Variants in A2ML1 observed in about 807,000 individuals in gnomAD.
The protein encoded by A2ML1 is alpha-2-macroglobulin like 1.
A neutral mutation model predicts 181.9 loss-of-function variants in A2ML1; 161 were observed. That is an observed-to-expected ratio of 0.89 (90% confidence interval 0.78 to 1.01). The LOEUF (loss-of-function observed/expected upper bound fraction) is 1.01, where lower values mean the gene tolerates loss of function less well. Among genes scored for constraint, A2ML1 ranks in the 50% least tolerant of loss-of-function variants. The pLI is 0.00. For synonymous variants in A2ML1, 663 were observed against 666.8 expected, an observed-to-expected ratio of 0.99 and a Z score of 0.09; for missense variants, 1,670 against 1,768.1, an observed-to-expected ratio of 0.94 and a Z score of 1.00.
At position 8,823,863 on chromosome 12, in the gene A2ML1, C is replaced by G. The variant is rs771519967; in HGVS notation, c.390C>G (p.Leu130=). 5 of 1,613,308 alleles carry G rather than the reference C, an allele frequency of 3.1e-6. No homozygotes were observed. Among genetic ancestry groups the G allele is most frequent in the Non-Finnish European group, 4.2e-6 (5 of 1,179,662 alleles). Residue 130 remains leucine (L), a synonymous_variant, in exon 3 of 36, where the codon CTC becomes CTG. Transcript: ENST00000299698. ...CCTTTGTACAGACTGACAAACCTCT[C>G]TACACCCCAGGGCAGCAAGGTAAGA... The part of the protein sequence containing the change: ...NGTFVQTDKP[L]YTPGQQVYFR...
Position 8,847,613 on chromosome 12 carries a change from C to A in A2ML1, c.1748C>A (p.Ala583Glu). Residue 583 changes from alanine (A) to glutamate (E), a missense_variant, in exon 15 of 36, where the codon GCA becomes GAA. Transcript: ENST00000299698. ...GCAGAAGTGGAGCTGCAGCTGCAGG[C>A]AGCTCCCGGATCCCTGTGTGCGCTC... ...PGAEVELQLQ[A>E]APGSLCALRA... The A allele has an allele frequency of 6.2e-7, 1 of 1,613,630 alleles. No homozygotes were observed. The highest frequency in any genetic ancestry group is 8.5e-7 in the Non-Finnish European group (1 of 1,179,794).
intron 4 of A2ML1, chr12:8,830,624 G>A (rs892291716): frequency 6.6e-6 from 1 of 152,092 alleles, no homozygotes; most frequent in Admixed American, 6.6e-5. Flanking sequence ...TTTCAAGTTG[G>A]AGCATGTGTC....
chr12:8,878,681 A>C (rs1944838836), downstream of A2ML1, among the ~76,000 whole-genome samples: 1 of 152,140 alleles, frequency 6.6e-6, no homozygotes, highest in Admixed American at 6.5e-5. This position sits in a 1 kb window ranked among gnomAD's most constrained non-coding sequence, Gnocchi z 4.4. Flanking sequence ...AAAATTGAAA[A>C]GGCCAGGCAT....
chr12:8,871,184 G>A (rs975242793), intron 33 of A2ML1, among the ~76,000 whole-genome samples: 5 of 152,152 alleles, frequency 3.3e-5, no homozygotes, highest in African/African-American at 1.2e-4. Context: ...TGTTCCTGAT[G>A]TCTAATTTTG....
At position 8,850,191 on chromosome 12, in the gene A2ML1, A is replaced by G; in HGVS notation, c.2151A>G (p.Ser717=). Residue 717 remains serine, a synonymous_variant, in exon 18 of 36, where the codon TCA becomes TCG. Coordinates refer to ENST00000299698, the MANE Select transcript of A2ML1 (RefSeq NM_144670.6). Reference sequence around the variant, plus strand: ...GTGGTCATCCAGAGGCTTTTGAGTCATCAACTCCTTTACATCAAGCAGAGG... The same window carrying G: ...GTGGTCATCCAGAGGCTTTTGAGTCGTCAACTCCTTTACATCAAGCAGAGG... ...AGGGHPEAFE[S]STPLHQAEDS... is the part of the protein sequence containing the mutation. 1.2e-6 allele frequency: 2 copies of G among 1,612,804 alleles called. No homozygotes were observed. The highest frequency in any genetic ancestry group is 1.7e-6 in the Non-Finnish European group (2 of 1,179,598).
intron 33 of A2ML1, among the ~76,000 whole-genome samples, chr12:8,872,827 C>A (rs1944675022): frequency 6.6e-6 from 1 of 151,182 alleles, no homozygotes; most frequent in South Asian, 2.1e-4. Context: ...AACTATTTTC[C>A]AAAACAAAAA....
Position 8,852,215 on chromosome 12 carries a change from G to A in A2ML1, c.2469G>A (p.Gln823=), listed in dbSNP as rs754731948. The change falls in exon 20 of 36, where the codon CAG becomes CAA. Residue 823 remains glutamine (Q), a synonymous_variant. Transcript: ENST00000299698. This position sits in a 1 kb window ranked among gnomAD's most constrained non-coding sequence, Gnocchi z 4.2. ...FNYLKDCIRV[Q]TDLAKSHEYQ... ...CTCTTAAACATCCTCCGTAGGTTCA[G>A]ACTGACCTGGCTAAATCGCATGAGT... The A allele has an allele frequency of 5.2e-5, 84 of 1,614,088 alleles. No homozygotes were observed. Among genetic ancestry groups the A allele is most frequent in the Non-Finnish European group, 7.0e-5 (83 of 1,180,030 alleles).
chr12:8,873,242 A>ATT (rs775312034), intron 33 of A2ML1, among the ~76,000 whole-genome samples: 5,648 of 142,244 alleles, frequency 0.04, 353 homozygotes, highest in African/African-American at 0.14. Flanking sequence ...TTATAATACG[A>ATT]TTTTTTTTTT....
At chr12:8,871,319 C>A (rs1222125442) in intron 33 of A2ML1, among the ~76,000 whole-genome samples, 1 of 152,132 alleles carries the variant, frequency 6.6e-6, no homozygotes, top group Non-Finnish European at 1.5e-5. Context: ...AAAAGAACAT[C>A]TATTTCTTTT....
intron 10 of A2ML1, among the ~76,000 whole-genome samples, chr12:8,839,831 T>C (rs1272103673): frequency 6.6e-6 from 1 of 152,114 alleles, no homozygotes; most frequent in Non-Finnish European, 1.5e-5. Flanking sequence ...CACCGCAACC[T>C]CCACCTCCCA....
chr12:8,872,799 GAA>G (rs1251654529), intron 33 of A2ML1, among the ~76,000 whole-genome samples: 26 of 133,508 alleles, frequency 1.9e-4, no homozygotes, highest in African/African-American at 9.0e-4. Context: ...AAAAAAAAAA[GAA>G]AAAGAAAAAG....
chr12:8,851,280 G>A (rs770531251), intron 18 of A2ML1, among the ~76,000 whole-genome samples: 2 of 151,932 alleles, frequency 1.3e-5, no homozygotes, highest in Non-Finnish European at 2.9e-5. Flanking sequence ...TGCCCACCCC[G>A]ACTCCCCACC....
chr12:8,854,952 T>A (rs1337076119), intron 22 of A2ML1, 121 bp downstream of exon 22: 5 of 1,066,572 alleles, frequency 4.7e-6, no homozygotes, highest in African/African-American at 3.2e-5. Context: ...TGGATTGCAG[T>A]GGCACGATTT....
At chr12:8,857,124 C>G in intron 23 of A2ML1, 40 bp from the exon 24 acceptor site, 8 of 1,589,454 alleles carry the variant, frequency 5.0e-6, no homozygotes, top group Non-Finnish European at 6.9e-6. Context: ...GTCCCTTCTT[C>G]TCTGTACCCC....
In A2ML1 at chr12:8,835,398, G is replaced by A. The variant is rs912298358; in HGVS notation, c.484-109G>A. On this transcript the variant is annotated intron_variant, in intron 5 of 35. Coordinates refer to ENST00000299698, the MANE Select transcript of A2ML1 (RefSeq NM_144670.6). ...CCTGGACACAGACCACAGGGGTCATGAACAATGGGTGGGGTTTTTTACCTG... is the reference window on the plus strand; with the variant it reads ...CCTGGACACAGACCACAGGGGTCATAAACAATGGGTGGGGTTTTTTACCTG... The A allele has an allele frequency of 4.3e-6, 6 of 1,398,396 alleles. No individual in the cohort carries two copies. The African/African-American group carries it at 8.5e-5, about 20-fold the overall frequency. 86.6% of individuals were successfully genotyped at this position (1,398,396 alleles called of 1,614,324 possible).
intron 3 of A2ML1, among the ~76,000 whole-genome samples, chr12:8,827,461 TTC>T (rs1491028038): frequency 6.6e-6 from 1 of 152,262 alleles, no homozygotes; most frequent in Non-Finnish European, 1.5e-5. Context: ...CTCTTTTTTT[TTC>T]TCTTTGTTAA....
At chr12:8,871,394 A>G (rs528144031) in intron 33 of A2ML1, among the ~76,000 whole-genome samples, 175 of 152,332 alleles carry the variant, frequency 1.1e-3, no homozygotes, top group Non-Finnish European at 2.0e-3. Flanking sequence ...TGTGTTTGAT[A>G]ACTCTGCTTA....
intron 1 of A2ML1, 123 bp downstream of exon 1, chr12:8,822,836 CTCT>C: frequency 1.1e-6 from 1 of 896,370 alleles, no homozygotes; most frequent in Non-Finnish European, 1.8e-6. Context: ...CTCCTTTTTT[CTCT>C]TCTTTGGTTC....
intron 26 of A2ML1, 44 bp downstream of exon 26, chr12:8,858,146 G>A: frequency 6.3e-7 from 1 of 1,596,134 alleles, no homozygotes; most frequent in Non-Finnish European, 8.5e-7. Context: ...CTGTCTCGAA[G>A]GACCCCACAC....
Sources: gnomAD v4.1 joint callset for allele counts (sites outside exome capture counted in the v4.1 genomes callset) on GRCh38, gnomAD v4.1.1 for gene constraint, Gnocchi (gnomAD v3.1) non-coding constraint, MANE v1.5 for transcripts, NCBI Gene and HGNC (gene_info 2026-07-23, HGNC 2026-07-21) for gene names.